The following LPP variants were observed in gnomAD, a reference collection of about 807,000 sequenced individuals.
LPP encodes LIM domain containing preferred translocation partner in lipoma, also known as lipoma-preferred partner.
A neutral mutation model predicts 60.4 loss-of-function variants in LPP; 38 were observed. That is an observed-to-expected ratio of 0.63 (90% CI 0.49 to 0.83). The LOEUF (loss-of-function observed/expected upper bound fraction) is 0.83, where lower values mean the gene tolerates loss of function less well. LPP is among the 40% of genes least tolerant of loss of function. LPP has a pLI of 0.00. For missense variants in LPP, 902 were observed against 783.6 expected, an observed-to-expected ratio of 1.15 and a Z score of -1.80; for synonymous variants, 328 against 290.8, an observed-to-expected ratio of 1.13 and a Z score of -1.30.
chr3:188,699,276 A>G lies in LPP; in HGVS notation c.1114-8991A>G, dbSNP rs570872800. ...GACGGAGAGAGGTGGGTGTGGAGAG[A>G]CCTCACTTTCCCCCAGCTCAGCCTA... On this transcript the variant is annotated intron_variant, in intron 7 of 11. Coordinates refer to ENST00000617246, the MANE Select transcript of LPP (RefSeq NM_001375462.1). 2.0e-5 allele frequency among the ~76,000 whole-genome samples: 3 copies of G among 152,140 alleles called. No individual in the cohort carries two copies. The East Asian group carries it at 5.8e-4, about 29-fold the overall frequency.
intron 6 of LPP, among the ~76,000 whole-genome samples, chr3:188,556,064 C>T (rs984594911): frequency 1.3e-5 from 2 of 152,052 alleles, no homozygotes; most frequent in Non-Finnish European, 2.9e-5. Flanking sequence ...ATCAAGGTAT[C>T]CACACCATTG....
Position 188,679,519 on chromosome 3 carries a change from CTGTGTGTGTGTGTG to C in LPP, c.1114-28717_1114-28704del, listed in dbSNP as rs56733573. ...TTAGTTTGCCAAAACTTTGAATACT[CTGTGTGTGTGTGTG>C]TGTGTGTGTGTGTGTGTGTGTGTGT... is the stretch of plus-strand genomic sequence containing the variant. On this transcript the variant is annotated intron_variant, in intron 7 of 11. Coordinates refer to ENST00000617246, the MANE Select transcript of LPP (RefSeq NM_001375462.1). Among the ~76,000 whole-genome samples, 100 of 143,198 alleles carry C rather than the reference CTGTGTGTGTGTGTG, an allele frequency of 7.0e-4. No individual in the cohort carries two copies. The East Asian group carries it at 7.8e-3, about 11-fold the overall frequency. The allele number at this position is 143,198 out of a possible 152,430, so 93.9% of individuals were successfully genotyped here. A position where few individuals can be genotyped will look rare whatever the true frequency, so the allele number is the denominator to read the frequency against.
chr3:188,479,959 G>T (rs777767696), intron 4 of LPP, among the ~76,000 whole-genome samples: 11 of 152,096 alleles, frequency 7.2e-5, no homozygotes, highest in Non-Finnish European at 1.5e-4. Flanking sequence ...ACCCTCTGAT[G>T]GGGGCCTTTG....
intron 2 of LPP, among the ~76,000 whole-genome samples, chr3:188,228,452 G>A (rs73887398): frequency 0.026 from 4,034 of 152,250 alleles, 185 homozygotes; most frequent in African/African-American, 0.092. Context: ...TTGTAGCACA[G>A]ATGAAGCCAG....
chr3:188,778,776 A>G (rs73888895), intron 9 of LPP, among the ~76,000 whole-genome samples: 7,482 of 152,228 alleles, frequency 0.049, 552 homozygotes, highest in African/African-American at 0.17. Flanking sequence ...ACAAAGTTCT[A>G]TTTACCCTGA....
At chr3:188,630,525 A>G (rs1446735354) in intron 7 of LPP, among the ~76,000 whole-genome samples, 1 of 152,198 alleles carries the variant, frequency 6.6e-6, no homozygotes, top group African/African-American at 2.4e-5. Context: ...GGGAATGTAA[A>G]TTAGTTCAGT....
chr3:188,192,574 G>C (rs899361976), intron 1 of LPP, among the ~76,000 whole-genome samples: 4 of 152,164 alleles, frequency 2.6e-5, no homozygotes, highest in Non-Finnish European at 5.9e-5. Flanking sequence ...CCATGAAGTA[G>C]GAATTTTCAT....
chr3:188,490,944 G>A (rs974359491), intron 5 of LPP, among the ~76,000 whole-genome samples: 3 of 151,584 alleles, frequency 2.0e-5, no homozygotes, highest in Non-Finnish European at 2.9e-5. Context: ...TTTATTTTTA[G>A]TAGAGACGAG....
intron 9 of LPP, among the ~76,000 whole-genome samples, chr3:188,841,134 G>C (rs1759852597): frequency 6.6e-6 from 1 of 152,148 alleles, no homozygotes; most frequent in Non-Finnish European, 1.5e-5. Flanking sequence ...GATAGCGTGT[G>C]TTCATGAGTC....
chr3:188,880,248 GC>G lies in LPP; in HGVS notation c.*5771del. ...GAGTTTCACAGTGTTAGCCAGGATGGCCTCGATCTCCTGACCTCGTGATCCA... is the reference window on the plus strand; with the variant it reads ...GAGTTTCACAGTGTTAGCCAGGATGGCTCGATCTCCTGACCTCGTGATCCA... On this transcript the variant is annotated 3_prime_UTR_variant, in exon 12 of 12. Coordinates refer to ENST00000617246, the MANE Select transcript of LPP (RefSeq NM_001375462.1). The G allele has an allele frequency of 6.1e-6, 1 of 164,840 alleles. No individual in the cohort carries two copies. The highest frequency in any genetic ancestry group is 1.3e-4 in the East Asian group (1 of 7,930). The allele number at this position is 164,840 out of a possible 1,614,324, so 10.2% of individuals were successfully genotyped here. A position where few individuals can be genotyped will look rare whatever the true frequency, so the allele number is the denominator to read the frequency against.
At chr3:188,804,191 T>A (rs1184909937) in intron 9 of LPP, among the ~76,000 whole-genome samples, 3 of 138,770 alleles carry the variant, frequency 2.2e-5, no homozygotes, top group African/African-American at 8.0e-5. Flanking sequence ...GCTTTTTTTT[T>A]ATTCGGGGGG....
At chr3:188,588,092 A>G (rs1007740991) in intron 6 of LPP, among the ~76,000 whole-genome samples, 1 of 152,248 alleles carries the variant, frequency 6.6e-6, no homozygotes, top group South Asian at 2.1e-4. Context: ...AAACTCTGAT[A>G]TTTAAAAATA....
At chr3:188,825,543 T>A (rs528358562) in intron 9 of LPP, among the ~76,000 whole-genome samples, 7 of 152,092 alleles carry the variant, frequency 4.6e-5, no homozygotes, top group African/African-American at 1.7e-4. Context: ...CTATTGCTAT[T>A]ATCCTCAGTT....
chr3:188,754,403 G>C (rs1560159375), intron 8 of LPP, among the ~76,000 whole-genome samples: 2 of 152,198 alleles, frequency 1.3e-5, no homozygotes, highest in Non-Finnish European at 2.9e-5. Flanking sequence ...TGATGCGTTA[G>C]GAATTTCTTT....
intron 4 of LPP, among the ~76,000 whole-genome samples, chr3:188,447,792 G>A (rs1219232543): frequency 2.6e-4 from 39 of 151,790 alleles, no homozygotes; most frequent in Admixed American, 2.6e-3. Context: ...AAAAAAAAAG[G>A]TGACTCTCCG....
chr3:188,678,745 T>G (rs147889441), intron 7 of LPP, among the ~76,000 whole-genome samples: 4 of 152,314 alleles, frequency 2.6e-5, no homozygotes, highest in African/African-American at 4.8e-5. Context: ...TGTAGATGAA[T>G]AAGACCTAGA....
chr3:188,422,470 A>G lies in LPP; in HGVS notation c.193+16157A>G, dbSNP rs529148383. On this transcript the variant is annotated intron_variant, in intron 4 of 11. Coordinates refer to ENST00000617246, the MANE Select transcript of LPP (RefSeq NM_001375462.1). ...CCAAAGACACAGCTTTTTCTTTGAT[A>G]TAATAATTTTTCTAGGCTGTCTTTC... is the stretch of plus-strand genomic sequence containing the variant. Among the ~76,000 whole-genome samples, 32 of 152,290 alleles carry G rather than the reference A, an allele frequency of 2.1e-4. No homozygotes were observed. In the South Asian group the frequency reaches 6.6e-3, roughly 32 times the overall value.
chr3:188,393,990 G>A (rs1309277430), intron 3 of LPP, among the ~76,000 whole-genome samples: 2 of 152,082 alleles, frequency 1.3e-5, no homozygotes, highest in Non-Finnish European at 2.9e-5. Context: ...CCCTGTAATG[G>A]TTTTATTAAT....
intron 6 of LPP, among the ~76,000 whole-genome samples, chr3:188,556,187 C>T (rs726712): frequency 0.58 from 87,689 of 151,926 alleles, 26,228 homozygotes; most frequent in East Asian, 0.93. Context: ...TCACACTTGC[C>T]TTACTTTTTG....
Sources: allele counts gnomAD v4.1 joint callset (sites outside exome capture counted in the v4.1 genomes callset), GRCh38; gene constraint gnomAD v4.1.1; transcripts MANE v1.5; gene names NCBI Gene and HGNC (gene_info 2026-07-23, HGNC 2026-07-21).